The following CNTN5 variants were observed in gnomAD, a reference collection of about 807,000 sequenced individuals.
CNTN5 encodes the protein contactin 5.
Under a neutral mutation model 129.1 loss-of-function variants are expected in CNTN5, and 77 were observed. The observed-to-expected ratio is 0.60, with a 90% CI of 0.50 to 0.72. The LOEUF (loss-of-function observed/expected upper bound fraction) is 0.72. Among genes scored for constraint, CNTN5 ranks in the 30% least tolerant of loss-of-function variants. The probability of loss-of-function intolerance (pLI) is 0.00; values close to 1 mark genes in which losing one functional copy is unlikely to be tolerated. For synonymous variants in CNTN5, 509 were observed against 465.6 expected, an observed-to-expected ratio of 1.09 and a Z score of -1.20; for missense variants, 1,478 against 1,328.8, an observed-to-expected ratio of 1.11 and a Z score of -1.75.
chr11:99,588,234 C>T (rs1482568580), intron 3 of CNTN5, among the ~76,000 whole-genome samples: 1 of 151,506 alleles, frequency 6.6e-6, no homozygotes, highest in African/African-American at 2.4e-5. Flanking sequence ...GTCCCAGCTA[C>T]TCAGGAGGCT....
chr11:100,037,656 G>A (rs1030317634), intron 9 of CNTN5, among the ~76,000 whole-genome samples: 143 of 152,182 alleles, frequency 9.4e-4, no homozygotes, highest in African/African-American at 3.2e-3. Flanking sequence ...TCCTGTTGTT[G>A]GTCTATTCAG....
intron 4 of CNTN5, among the ~76,000 whole-genome samples, chr11:99,822,601 C>T (rs1946835782): frequency 6.6e-6 from 1 of 152,098 alleles, no homozygotes; most frequent in African/African-American, 2.4e-5. Context: ...CAGTGCTTAC[C>T]ACTGCGGACA....
chr11:99,625,615 C>T (rs1009812285), intron 3 of CNTN5, among the ~76,000 whole-genome samples: 26 of 151,994 alleles, frequency 1.7e-4, no homozygotes, highest in African/African-American at 6.3e-4. Context: ...CATTAGAAGT[C>T]ATTTTCATTT....
At chr11:99,968,442 G>T (rs556373510) in intron 8 of CNTN5, among the ~76,000 whole-genome samples, 4 of 151,758 alleles carry the variant, frequency 2.6e-5, no homozygotes, top group Non-Finnish European at 5.9e-5. Flanking sequence ...TTTAAGGAAA[G>T]AATTGTGTCA....
At chr11:99,755,430 G>C (rs1452816598) in intron 3 of CNTN5, among the ~76,000 whole-genome samples, 1 of 152,114 alleles carries the variant, frequency 6.6e-6, no homozygotes, top group Non-Finnish European at 1.5e-5. Flanking sequence ...TAAAAGGTAT[G>C]TAGTTGCGTC....
chr11:99,027,917 A>T (rs2135074789), intron 1 of CNTN5, among the ~76,000 whole-genome samples: 1 of 151,842 alleles, frequency 6.6e-6, no homozygotes, highest in Non-Finnish European at 1.5e-5. Context: ...GGTGACTAAA[A>T]AGGTTAATAT....
At chr11:99,477,682 G>A (rs536680032) in intron 2 of CNTN5, among the ~76,000 whole-genome samples, 1 of 151,828 alleles carries the variant, frequency 6.6e-6, no homozygotes, top group Non-Finnish European at 1.5e-5. Flanking sequence ...GGGTGCAGTG[G>A]CTCACACCTG....
intron 6 of CNTN5, among the ~76,000 whole-genome samples, chr11:99,863,604 A>G (rs1948273896): frequency 6.6e-6 from 1 of 152,130 alleles, no homozygotes; most frequent in Middle Eastern, 3.2e-3. Flanking sequence ...AGCCTATTGT[A>G]ATTAATTGTT....
At chr11:99,959,648 C>G (rs960582712) in intron 8 of CNTN5, among the ~76,000 whole-genome samples, 1 of 152,162 alleles carries the variant, frequency 6.6e-6, no homozygotes, top group African/African-American at 2.4e-5. Flanking sequence ...ACGTTGTTGA[C>G]ACTTTTTTCT....
In CNTN5 at chr11:100,071,862, A is replaced by G. The variant is rs76748292; in HGVS notation, c.1429+28A>G. 1.4e-5 allele frequency: 21 copies of G among 1,458,218 alleles called. No homozygotes were observed. The African/African-American group carries it at 3.0e-4, about 21-fold the overall frequency. 90.3% of individuals were successfully genotyped at this position (1,458,218 alleles called of 1,614,324 possible). A position where few individuals can be genotyped will look rare whatever the true frequency, so the allele number is the denominator to read the frequency against. On this transcript the variant is annotated intron_variant, in intron 12 of 24. Coordinates refer to ENST00000524871, the MANE Select transcript of CNTN5 (RefSeq NM_014361.4). ...ATGCAGTTTCTAAGTGAATAAATTGAAAAAAAAAACCTTGCTTCTTTTCAT... is the reference window on the plus strand; with the variant it reads ...ATGCAGTTTCTAAGTGAATAAATTGGAAAAAAAAACCTTGCTTCTTTTCAT...
intron 13 of CNTN5, among the ~76,000 whole-genome samples, chr11:100,137,322 A>G (rs1014119610): frequency 2.0e-5 from 3 of 152,152 alleles, no homozygotes; most frequent in African/African-American, 7.2e-5. Context: ...AGTTTCAAAT[A>G]TAAATTTATT....
intron 8 of CNTN5, among the ~76,000 whole-genome samples, chr11:99,988,504 A>G (rs886477522): frequency 2.6e-5 from 4 of 152,226 alleles, no homozygotes; most frequent in African/African-American, 9.6e-5. Flanking sequence ...AAGTAATGTG[A>G]GTGAGTGTTC....
At chr11:99,776,271 G>T (rs905323885) in intron 3 of CNTN5, among the ~76,000 whole-genome samples, 2 of 151,918 alleles carry the variant, frequency 1.3e-5, no homozygotes, top group African/African-American at 2.4e-5. Context: ...TACAGAGAAG[G>T]CAGAAACTAA....
At chr11:99,077,874 G>A (rs1035223394) in intron 1 of CNTN5, among the ~76,000 whole-genome samples, 2 of 152,042 alleles carry the variant, frequency 1.3e-5, no homozygotes, top group Admixed American at 6.6e-5. Flanking sequence ...CAGCCTATCC[G>A]GCAGAACTGT....
intron 1 of CNTN5, among the ~76,000 whole-genome samples, chr11:99,231,266 A>G (rs1167724306): frequency 1.3e-5 from 2 of 152,154 alleles, no homozygotes; most frequent in African/African-American, 2.4e-5. Flanking sequence ...TTGCATTCCC[A>G]TCAACTGTGT....
chr11:100,077,858 C>T (rs764577162), intron 13 of CNTN5, among the ~76,000 whole-genome samples: 2 of 151,354 alleles, frequency 1.3e-5, no homozygotes, highest in African/African-American at 4.9e-5. Context: ...AAAATAAGAT[C>T]AAAAAGAAAT....
chr11:99,888,816 C>G (rs1174942410), intron 6 of CNTN5, among the ~76,000 whole-genome samples: 1 of 152,216 alleles, frequency 6.6e-6, no homozygotes, highest in Non-Finnish European at 1.5e-5. Context: ...CTTACATACT[C>G]TAGTGTAAGC....
intron 13 of CNTN5, among the ~76,000 whole-genome samples, chr11:100,150,823 C>A (rs1273315876): frequency 6.6e-6 from 1 of 152,186 alleles, no homozygotes; most frequent in East Asian, 1.9e-4. Context: ...CCGAAAAATT[C>A]ATATGTTGAA....
chr11:99,484,531 A>G (rs1244051209), intron 2 of CNTN5, among the ~76,000 whole-genome samples: 1 of 152,202 alleles, frequency 6.6e-6, no homozygotes, highest in East Asian at 1.9e-4. Flanking sequence ...ACTACTGGGT[A>G]TTTATTCAAA....
Sources: gnomAD v4.1 joint callset for allele counts (sites outside exome capture counted in the v4.1 genomes callset) on GRCh38, gnomAD v4.1.1 for gene constraint, MANE v1.5 for transcripts, NCBI Gene and HGNC (gene_info 2026-07-23, HGNC 2026-07-21) for gene names.